Variants in RCE1 observed in about 807,000 individuals in gnomAD.
RCE1 encodes CAAX prenyl protease 2.
Under a neutral mutation model 35.0 loss-of-function variants are expected in RCE1, and 15 were observed. The ratio of observed to expected loss-of-function variants is 0.43; its 90% CI spans 0.29 to 0.66. RCE1 has a LOEUF of 0.66. Among genes scored for constraint, RCE1 ranks in the 30% least tolerant of loss-of-function variants. The probability of loss-of-function intolerance (pLI) is 0.17; values close to 1 mark genes in which losing one functional copy is unlikely to be tolerated. For missense variants in RCE1, 434 were observed against 433.0 expected, an observed-to-expected ratio of 1.00 and a Z score of -0.02; for synonymous variants, 261 against 192.7, an observed-to-expected ratio of 1.35 and a Z score of -2.94.
chr11:66,843,699 G>C (rs1945138820), intron 1 of RCE1, 59 bp downstream of exon 1: 1 of 1,603,826 alleles, frequency 6.2e-7, no homozygotes, highest in Non-Finnish European at 8.5e-7. Flanking sequence ...GGGCGAGCCG[G>C]GGGCGGGTCC....
chr11:66,845,023 C>T lies in RCE1; in HGVS notation c.606C>T (p.Leu202=). 2 of 1,596,608 alleles carry T rather than the reference C, an allele frequency of 1.3e-6. No individual in the cohort carries two copies. Among genetic ancestry groups the T allele is most frequent in the African/African-American group, 1.3e-5 (1 of 74,736 alleles). Residue 202 remains leucine, a synonymous_variant, in exon 5 of 8, where the codon CTC becomes CTT. Coordinates refer to ENST00000309657, the MANE Select transcript of RCE1 (RefSeq NM_005133.3). Reference sequence around the variant, plus strand: ...GCCCTGCTGTGTTCACCTGCCCGCTCTTTTTTGGAGTTGGTGAGTCTGGCC... The same window carrying T: ...GCCCTGCTGTGTTCACCTGCCCGCTTTTTTTTGGAGTTGGTGAGTCTGGCC... ...GLGPAVFTCP[L]FFGVAHFHHI... is the part of the protein sequence containing the mutation.
chr11:66,845,194 G>A lies in RCE1; in HGVS notation c.648G>A (p.Leu216=). 3 of 1,614,246 alleles carry A rather than the reference G, an allele frequency of 1.9e-6. No individual in the cohort carries two copies. Among genetic ancestry groups the A allele is most frequent in the African/African-American group, 1.3e-5 (1 of 75,060 alleles). Residue 216 remains leucine (L), a synonymous_variant, in exon 6 of 8, where the codon CTG becomes CTA. Coordinates refer to ENST00000309657, the MANE Select transcript of RCE1 (RefSeq NM_005133.3). ...ATTTTCACCATATTATTGAGCAGCT[G>A]CGTTTCCGCCAGAGCAGCGTGGGGA... ...VAHFHHIIEQ[L]RFRQSSVGNI...
intron 6 of RCE1, 51 bp downstream of exon 6, chr11:66,845,288 T>C (rs1480368423): frequency 1.9e-6 from 3 of 1,612,632 alleles, no homozygotes; most frequent in Middle Eastern, 3.3e-4. Context: ...ATGTCGCTAA[T>C]GGCCACTCTG....
chr11:66,846,251 AAG>A lies in RCE1; in HGVS notation c.*158_*159del, dbSNP rs1945207537. 6.3e-6 allele frequency: 6 copies of A among 957,226 alleles called. No homozygotes were observed. The highest frequency in any genetic ancestry group is 9.0e-6 in the Non-Finnish European group (6 of 665,742). The allele number at this position is 957,226 out of a possible 1,614,324, so 59.3% of individuals were successfully genotyped here. A position where few individuals can be genotyped will look rare whatever the true frequency, so the allele number is the denominator to read the frequency against. ...TAGTTGCGTCCCAGGGACCAAGAGA[AAG>A]AAGCAGATATCCAAAGGGTGCAGCC... On this transcript the variant is annotated 3_prime_UTR_variant, in exon 8 of 8. Transcript: ENST00000309657.
chr11:66,844,418 G>A lies in RCE1; in HGVS notation c.451+54G>A. On this transcript the variant is annotated intron_variant, in intron 4 of 7. Coordinates refer to ENST00000309657, the MANE Select transcript of RCE1 (RefSeq NM_005133.3). ...AGGCACAGGCAGTCCAGGACATTGG[G>A]GCAGGGAGTCAGCGGGCTCAGGGTG... is the stretch of plus-strand genomic sequence containing the variant. The A allele has an allele frequency of 2.5e-6, 4 of 1,606,112 alleles. No homozygotes were observed. The South Asian group carries it at 3.3e-5, about 13-fold the overall frequency.
intron 7 of RCE1, 75 bp downstream of exon 7, chr11:66,845,637 AG>A (rs1486708702): frequency 1.9e-6 from 3 of 1,600,494 alleles, no homozygotes; most frequent in South Asian, 1.1e-5. Flanking sequence ...TGTTTGTTCT[AG>A]GAACAAAAGT....
At chr11:66,845,644 A>C in intron 7 of RCE1, 82 bp downstream of exon 7, 1 of 1,601,114 alleles carries the variant, frequency 6.2e-7, no homozygotes, top group Non-Finnish European at 8.6e-7. Context: ...TCTAGGAACA[A>C]AAGTTCTTCT....
chr11:66,844,511 C>T (rs1945164362), intron 4 of RCE1, 147 bp downstream of exon 4: 4 of 1,152,958 alleles, frequency 3.5e-6, no homozygotes, highest in South Asian at 2.9e-5. Flanking sequence ...AAACATAGAG[C>T]TAGGTGGCCT....
chr11:66,843,725 C>T, intron 1 of RCE1, 34 bp from the exon 2 acceptor site: 1 of 1,609,092 alleles, frequency 6.2e-7, no homozygotes, highest in South Asian at 1.1e-5. Context: ...CATGGGCAGC[C>T]GCGGGCCCCC....
Position 66,843,751 on chromosome 11 carries a change from C to G in RCE1, c.186-8C>G, listed in dbSNP as rs752334472. On this transcript the variant is annotated splice_polypyrimidine_tract_variant and splice_region_variant and intron_variant, in intron 1 of 7. Coordinates refer to ENST00000309657, the MANE Select transcript of RCE1 (RefSeq NM_005133.3). The stretch of plus-strand genomic sequence containing the variant: ...GCGGGCCCCCTGAACTTACTGTCCC[C>G]TCCGTAGGGACCATCCCGCGGTCAT... 1.2e-6 allele frequency: 2 copies of G among 1,613,166 alleles called. No homozygotes were observed. Among genetic ancestry groups the G allele is most frequent in the Admixed American group, 1.7e-5 (1 of 59,982 alleles).
chr11:66,845,114 A>G (rs1013006500), intron 5 of RCE1, 52 bp from the exon 6 acceptor site: 1 of 1,613,822 alleles, frequency 6.2e-7, no homozygotes, highest in Non-Finnish European at 8.5e-7. Context: ...GGGCAGTCCT[A>G]GAAGGGAGGC....
intron 7 of RCE1, 139 bp from the exon 8 acceptor site, chr11:66,845,721 G>A (rs1299742293): frequency 2.1e-6 from 3 of 1,462,990 alleles, no homozygotes; most frequent in African/African-American, 2.8e-5. Context: ...GTGGAAAGGA[G>A]CAGAGGCCGT....
chr11:66,844,481 T>G lies in RCE1; in HGVS notation c.451+117T>G. The G allele has an allele frequency of 2.2e-6, 3 of 1,373,984 alleles. No individual in the cohort carries two copies. In the South Asian group the frequency reaches 3.7e-5, roughly 17 times the overall value. The allele number at this position is 1,373,984 out of a possible 1,614,324, so 85.1% of individuals were successfully genotyped here. ...GTGAAATGTCATCTCTCTGGGTGTG[T>G]TTTCTCATCAGTAAAATGGAAACAT... On this transcript the variant is annotated intron_variant, in intron 4 of 7. Coordinates refer to ENST00000309657, the MANE Select transcript of RCE1 (RefSeq NM_005133.3).
intron 1 of RCE1, 33 bp downstream of exon 1, chr11:66,843,673 C>T (rs763049759): frequency 2.5e-5 from 40 of 1,602,408 alleles, no homozygotes; most frequent in Non-Finnish European, 3.2e-5. Context: ...GAATCCGCGC[C>T]CTGCGGGCGG....
At chr11:66,844,409 G>C in intron 4 of RCE1, 45 bp downstream of exon 4, 1 of 1,610,430 alleles carries the variant, frequency 6.2e-7, no homozygotes, top group Non-Finnish European at 8.5e-7. Flanking sequence ...AGGCAGTCCA[G>C]GACATTGGGG....
intron 4 of RCE1, 74 bp downstream of exon 4, chr11:66,844,438 A>C: frequency 6.4e-7 from 1 of 1,572,622 alleles, no homozygotes; most frequent in Non-Finnish European, 8.7e-7. Context: ...CAGCGGGCTC[A>C]GGGTGTGATC....
chr11:66,845,816 G>A (rs1356202756), intron 7 of RCE1, 44 bp from the exon 8 acceptor site: 9 of 1,592,884 alleles, frequency 5.7e-6, no homozygotes, highest in African/African-American at 4.0e-5. Context: ...AGGGCCAGAG[G>A]AGGTGGTAGG....
intron 4 of RCE1, chr11:66,844,573 A>G: frequency 2.7e-6 from 2 of 750,250 alleles, no homozygotes; most frequent in Admixed American, 2.9e-5. Flanking sequence ...CCCCAGCAGT[A>G]TTTGGTGTGG....
intron 5 of RCE1, 46 bp from the exon 6 acceptor site, chr11:66,845,120 G>A (rs754509961): frequency 4.3e-6 from 7 of 1,614,132 alleles, no homozygotes; most frequent in South Asian, 2.2e-5. Context: ...TCCTAGAAGG[G>A]AGGCTGGGAG....
Sources: allele counts gnomAD v4.1 joint callset, GRCh38; gene constraint gnomAD v4.1.1; transcripts MANE v1.5; gene names NCBI Gene and HGNC (gene_info 2026-07-23, HGNC 2026-07-21).